The following GNB1 variants were observed in gnomAD, a reference collection of about 807,000 sequenced individuals.
GNB1 encodes G protein subunit beta 1, also known as guanine nucleotide-binding protein G(I)/G(S)/G(T) subunit beta-1.
In GNB1, 2 loss-of-function variants were observed where a neutral mutation model predicts 42.9. The ratio of observed to expected loss-of-function variants is 0.05; its 90% CI spans 0.02 to 0.15. The LOEUF is 0.15. GNB1 is among the 10% of genes least tolerant of loss of function. The pLI is 1.00. For missense variants in GNB1, 193 were observed against 462.2 expected (o/e 0.42, Z 5.34); for synonymous variants, 183 against 174.7 (o/e 1.05, Z -0.38).
At chr1:1,887,356 C>A (rs1313373104) in intron 1 of GNB1, among the ~76,000 whole-genome samples, 1 of 152,136 alleles carries the variant, frequency 6.6e-6, no homozygotes, top group Admixed American at 6.5e-5. Flanking sequence ...GCCCTGAAGA[C>A]CTTTTTCATC....
At chr1:1,860,699 C>G (rs1268962006) in intron 1 of GNB1, among the ~76,000 whole-genome samples, 2 of 151,190 alleles carry the variant, frequency 1.3e-5, no homozygotes, top group Non-Finnish European at 3.0e-5. Flanking sequence ...GGCAACAGAG[C>G]AAGACTCTGT....
At position 1,790,302 on chromosome 1, in the gene GNB1, G is replaced by A. The variant is rs887902723; in HGVS notation, c.699+93C>T. The A allele has an allele frequency of 2.4e-6, 2 of 834,798 alleles. No homozygotes were observed. Among genetic ancestry groups the A allele is most frequent in the African/African-American group, 3.3e-5 (2 of 59,816 alleles). The allele number at this position is 834,798 out of a possible 1,614,324, so 51.7% of individuals were successfully genotyped here. A position where few individuals can be genotyped will look rare whatever the true frequency, so the allele number is the denominator to read the frequency against. On this transcript the variant is annotated intron_variant, in intron 9 of 11. Coordinates refer to ENST00000378609, the MANE Select transcript of GNB1 (RefSeq NM_002074.5). The surrounding 1 kb of genome is among the most constrained non-coding windows in gnomAD (Gnocchi z 5.4). ...GAGGTTGTATAAGGATCAGAAAGGA[G>A]AACATCTAATCCAGAAAAGTTTAAA...
intron 1 of GNB1, 106 bp downstream of exon 1, chr1:1,890,714 G>A (rs1650453953): frequency 6.8e-6 from 1 of 148,116 alleles, no homozygotes; most frequent in Non-Finnish European, 1.5e-5. Context: ...GGGGCAGGAA[G>A]ACGCGGCCCC....
intron 1 of GNB1, among the ~76,000 whole-genome samples, chr1:1,841,541 G>C (rs1257247176): frequency 6.6e-6 from 1 of 152,160 alleles, no homozygotes; most frequent in Non-Finnish European, 1.5e-5. Flanking sequence ...TATGTGAAAA[G>C]ACCACTTGTG....
At chr1:1,866,195 C>G (rs1648930137) in intron 1 of GNB1, among the ~76,000 whole-genome samples, 1 of 152,254 alleles carries the variant, frequency 6.6e-6, no homozygotes, top group Non-Finnish European at 1.5e-5. Flanking sequence ...CCGCCTTGGT[C>G]TCTCAAAGTG....
intron 3 of GNB1, among the ~76,000 whole-genome samples, chr1:1,822,302 T>G (rs1371976520): frequency 8.9e-5 from 1 of 11,200 alleles, no homozygotes. Flanking sequence ...TCTTTTTACT[T>G]TTTTTTTTTT....
intron 1 of GNB1, among the ~76,000 whole-genome samples, chr1:1,858,902 C>T (rs1648450800): frequency 6.6e-6 from 1 of 152,076 alleles, no homozygotes; most frequent in African/African-American, 2.4e-5. Context: ...GAACAGGAAA[C>T]AAGGGGTGGG....
At chr1:1,835,131 T>TG (rs764887353) in intron 2 of GNB1, among the ~76,000 whole-genome samples, 62 of 152,218 alleles carry the variant, frequency 4.1e-4, no homozygotes, top group South Asian at 2.9e-3. Context: ...AAATGGGCGG[T>TG]GGGGGTTAGA....
chr1:1,887,265 G>A (rs1650207280), intron 1 of GNB1, among the ~76,000 whole-genome samples: 1 of 152,142 alleles, frequency 6.6e-6, no homozygotes, highest in Admixed American at 6.5e-5. Context: ...TGCCAACACT[G>A]CACTTCTAAA....
chr1:1,832,737 C>T (rs187952738), intron 2 of GNB1, among the ~76,000 whole-genome samples: 1 of 152,278 alleles, frequency 6.6e-6, no homozygotes, highest in Admixed American at 6.5e-5. Flanking sequence ...TACACAGTCA[C>T]CAATAACAAC....
intron 1 of GNB1, among the ~76,000 whole-genome samples, chr1:1,886,191 G>A (rs1161272584): frequency 6.6e-6 from 1 of 152,042 alleles, no homozygotes; most frequent in Non-Finnish European, 1.5e-5. Flanking sequence ...GACGGCGGGT[G>A]CCTGTAATCC....
At chr1:1,884,560 G>A (rs1298264039) in intron 1 of GNB1, among the ~76,000 whole-genome samples, 1 of 152,098 alleles carries the variant, frequency 6.6e-6, no homozygotes, top group African/African-American at 2.4e-5. Context: ...GAAGTTGAGT[G>A]TCTGTAATCA....
chr1:1,812,782 G>A (rs1210255179), intron 5 of GNB1, among the ~76,000 whole-genome samples: 1 of 152,004 alleles, frequency 6.6e-6, no homozygotes, highest in Non-Finnish European at 1.5e-5. Context: ...GAGACAGACG[G>A]AACATAAAGC....
chr1:1,807,928 C>T (rs905924119), intron 5 of GNB1, among the ~76,000 whole-genome samples: 3 of 152,104 alleles, frequency 2.0e-5, no homozygotes, highest in African/African-American at 7.2e-5. Flanking sequence ...CCAGGATGGT[C>T]TCGATCTCCT....
intron 1 of GNB1, among the ~76,000 whole-genome samples, chr1:1,882,237 G>C (rs1217332496): frequency 6.6e-6 from 1 of 151,702 alleles, no homozygotes; most frequent in Non-Finnish European, 1.5e-5. Context: ...AGCGGCATGG[G>C]CAACAAGGTG....
chr1:1,885,825 T>C (rs1650121978), intron 1 of GNB1, among the ~76,000 whole-genome samples: 1 of 149,422 alleles, frequency 6.7e-6, no homozygotes, highest in South Asian at 2.1e-4. Context: ...CCCAAAGTGC[T>C]GGGATTACAG....
intron 1 of GNB1, among the ~76,000 whole-genome samples, chr1:1,841,085 T>C (rs1647229013): frequency 6.6e-6 from 1 of 151,698 alleles, no homozygotes; most frequent in African/African-American, 2.4e-5. Flanking sequence ...AGAGACGGGT[T>C]TTCACCATAT....
chr1:1,864,082 G>A (rs1326646508), intron 1 of GNB1, among the ~76,000 whole-genome samples: 1 of 151,948 alleles, frequency 6.6e-6, no homozygotes, highest in East Asian at 1.9e-4. Flanking sequence ...CAGCACTTTG[G>A]GAGGCTGAGG....
At chr1:1,871,592 G>A (rs988064941) in intron 1 of GNB1, among the ~76,000 whole-genome samples, 5 of 151,898 alleles carry the variant, frequency 3.3e-5, no homozygotes, top group African/African-American at 4.8e-5. Flanking sequence ...CCCCTCCACC[G>A]ACCATCACAA....
Sources: gnomAD v4.1 joint callset for allele counts (sites outside exome capture counted in the v4.1 genomes callset) on GRCh38, gnomAD v4.1.1 for gene constraint, Gnocchi (gnomAD v3.1) non-coding constraint, MANE v1.5 for transcripts, NCBI Gene and HGNC (gene_info 2026-07-23, HGNC 2026-07-21) for gene names.